C7: variants seen among roughly 807,000 people sequenced by gnomAD.
C7 encodes the protein complement C7, also known as complement component C7.
In C7, 83 loss-of-function variants were observed where a neutral mutation model predicts 104.8. That is an observed-to-expected ratio of 0.79 (90% CI 0.66 to 0.95). The LOEUF (loss-of-function observed/expected upper bound fraction) is 0.95, where lower values mean the gene tolerates loss of function less well. C7 is among the 40% of genes least tolerant of loss of function. The pLI is 0.00. For missense variants in C7, 1,070 were observed against 1,011.2 expected, an observed-to-expected ratio of 1.06 and a Z score of -0.79; for synonymous variants, 415 against 360.6, an observed-to-expected ratio of 1.15 and a Z score of -1.71.
chr5:40,952,809 T>C (rs1017625941), intron 9 of C7, among the ~76,000 whole-genome samples: 8 of 152,160 alleles, frequency 5.3e-5, no homozygotes, highest in Non-Finnish European at 1.0e-4. Context: ...TGAAATACTA[T>C]GCAGCCATAA....
At position 40,918,925 on chromosome 5, in the gene C7, G is replaced by T. The variant is rs184646062; in HGVS notation, c.6+9309G>T. Among the ~76,000 whole-genome samples, 24 of 146,474 alleles carry T rather than the reference G, an allele frequency of 1.6e-4. No homozygotes were observed. The East Asian group carries it at 4.7e-3, about 29-fold the overall frequency. On this transcript the variant is annotated intron_variant, in intron 1 of 17. Transcript: ENST00000313164. The stretch of plus-strand genomic sequence containing the variant: ...TAAGAAAACATTGGATTTGAAAATC[G>T]CTTTAGACCTAATGAATCTAACAGA...
At chr5:40,973,937 T>C (rs1740753805) in intron 15 of C7, among the ~76,000 whole-genome samples, 2 of 152,172 alleles carry the variant, frequency 1.3e-5, no homozygotes, top group African/African-American at 4.8e-5. Flanking sequence ...TCTGAAGATG[T>C]GAATAACAGT....
In C7 at chr5:40,959,480, C is replaced by T; in HGVS notation, c.1521C>T (p.Ser507=). Residue 507 remains serine, a synonymous_variant, in exon 12 of 18, where the codon TCC becomes TCT. Transcript: ENST00000313164. The part of the protein sequence containing the change: ...GGVDGGWSCW[S]SWSPCVQGKK... ...TTGATGGAGGTTGGAGTTGCTGGTC[C>T]TCTTGGAGCCCCTGTGTCCAAGGGA... is the stretch of plus-strand genomic sequence containing the variant. 1 of 1,611,310 alleles carries T rather than the reference C, an allele frequency of 6.2e-7. No homozygotes were observed. The highest frequency in any genetic ancestry group is 8.5e-7 in the Non-Finnish European group (1 of 1,179,284).
rs1020818890 is a variant in C7 at position 40,981,971 on chromosome 5, A to T, written c.*398A>T. On this transcript the variant is annotated 3_prime_UTR_variant, in exon 18 of 18. Coordinates refer to ENST00000313164, the MANE Select transcript of C7 (RefSeq NM_000587.4). The stretch of plus-strand genomic sequence containing the variant: ...GGGCCAGAACACACTCTACAAAATG[A>T]CTAGGATAACAGAAAGAACGTGATC... 1 of 156,248 alleles carries T rather than the reference A, an allele frequency of 6.4e-6. No homozygotes were observed. The highest frequency in any genetic ancestry group is 2.4e-5 in the African/African-American group (1 of 41,588). 9.7% of individuals were successfully genotyped at this position (156,248 alleles called of 1,614,324 possible).
intron 16 of C7, 45 bp downstream of exon 16, chr5:40,976,885 A>T: frequency 7.2e-7 from 1 of 1,383,714 alleles, no homozygotes; most frequent in Non-Finnish European, 1.0e-6. Context: ...TTTATTAATG[A>T]TAAGGGATAA....
intron 13 of C7, 123 bp from the exon 14 acceptor site, chr5:40,964,618 C>T: frequency 1.2e-6 from 1 of 805,058 alleles, no homozygotes; most frequent in Non-Finnish European, 2.0e-6. Context: ...AGACACTTTT[C>T]TGAATCAATT....
rs1484418080 is a variant in C7 at position 40,982,980 on chromosome 5, C to T, written c.*1407C>T. On this transcript the variant is annotated 3_prime_UTR_variant, in exon 18 of 18. Transcript: ENST00000313164. Reference sequence around the variant, plus strand: ...GATGTTTCATTTTAGAGAAGATTTTCATGATGAATGGTTAATGTGTTCTTG... The same window carrying T: ...GATGTTTCATTTTAGAGAAGATTTTTATGATGAATGGTTAATGTGTTCTTG... 2 of 152,304 alleles carry T rather than the reference C, an allele frequency of 1.3e-5. No individual in the cohort carries two copies. Among genetic ancestry groups the T allele is most frequent in the African/African-American group, 2.4e-5 (1 of 41,448 alleles). 9.4% of individuals were successfully genotyped at this position (152,304 alleles called of 1,614,324 possible).
intron 5 of C7, among the ~76,000 whole-genome samples, chr5:40,936,696 T>C (rs1277517259): frequency 6.6e-6 from 1 of 152,132 alleles, no homozygotes; most frequent in East Asian, 1.9e-4. Flanking sequence ...CCCCTTGTCC[T>C]GGGATGGTCC....
chr5:40,916,562 T>A (rs1238527025), intron 1 of C7, among the ~76,000 whole-genome samples: 1 of 152,178 alleles, frequency 6.6e-6, no homozygotes, highest in Admixed American at 6.5e-5. Context: ...TAAAAGATGA[T>A]GGGACCTTAA....
intron 2 of C7, among the ~76,000 whole-genome samples, chr5:40,930,411 G>A (rs1279859110): frequency 6.6e-6 from 1 of 151,400 alleles, no homozygotes; most frequent in African/African-American, 2.4e-5. Flanking sequence ...TCACCATGAT[G>A]GCCCTGTTGG....
At position 40,983,646 on chromosome 5, in the gene C7, G is replaced by A. The variant is rs1741001174; in HGVS notation, c.*2073G>A. Among the ~76,000 whole-genome samples, 1 of 152,084 alleles carries A rather than the reference G, an allele frequency of 6.6e-6. No individual in the cohort carries two copies. Among genetic ancestry groups the A allele is most frequent in the South Asian group, 2.1e-4 (1 of 4,816 alleles). On this transcript the variant is annotated 3_prime_UTR_variant, in exon 18 of 18. Coordinates refer to ENST00000313164, the MANE Select transcript of C7 (RefSeq NM_000587.4). Reference sequence around the variant, plus strand: ...TTCACAATTGCCTGTGGAGAATTAGGATTGTCGCAGCAGGTCAGCAAGGAG... The same window carrying A: ...TTCACAATTGCCTGTGGAGAATTAGAATTGTCGCAGCAGGTCAGCAAGGAG...
chr5:40,959,185 G>A (rs546455261), intron 11 of C7, among the ~76,000 whole-genome samples: 7 of 152,302 alleles, frequency 4.6e-5, no homozygotes, highest in Middle Eastern at 3.4e-3. Flanking sequence ...TACAACGTAC[G>A]TAAAAGTGCT....
intron 9 of C7, among the ~76,000 whole-genome samples, chr5:40,953,477 C>T (rs1740220881): frequency 6.6e-6 from 1 of 151,932 alleles, no homozygotes; most frequent in Non-Finnish European, 1.5e-5. Flanking sequence ...CCTGTCTCTA[C>T]TATAAATACA....
intron 1 of C7, among the ~76,000 whole-genome samples, chr5:40,910,302 G>A (rs1739179966): frequency 6.6e-6 from 1 of 152,144 alleles, no homozygotes; most frequent in African/African-American, 2.4e-5. Flanking sequence ...AAAATAAGTT[G>A]AGATTGCTAT....
At position 40,983,352 on chromosome 5, in the gene C7, C is replaced by A. The variant is rs112295954; in HGVS notation, c.*1779C>A. On this transcript the variant is annotated 3_prime_UTR_variant, in exon 18 of 18. Coordinates refer to ENST00000313164, the MANE Select transcript of C7 (RefSeq NM_000587.4). Reference sequence around the variant, plus strand: ...TCCTACCGCTTATGTATCACCATGCCCCCTTCCTAAATAATACAGAGGATA... The same window carrying A: ...TCCTACCGCTTATGTATCACCATGCACCCTTCCTAAATAATACAGAGGATA... Among the ~76,000 whole-genome samples, 227 of 152,238 alleles carry A rather than the reference C, an allele frequency of 1.5e-3. 1 individual carries two copies. The highest frequency in any genetic ancestry group is 5.2e-3 in the African/African-American group (217 of 41,538).
intron 9 of C7, among the ~76,000 whole-genome samples, chr5:40,952,671 T>G (rs1309109297): frequency 6.6e-6 from 1 of 150,896 alleles, no homozygotes; most frequent in Non-Finnish European, 1.5e-5. Flanking sequence ...CAGGCCCCGG[T>G]GTGTGATGTT....
chr5:40,969,977 T>G (rs1247682120), intron 14 of C7, among the ~76,000 whole-genome samples: 5 of 151,968 alleles, frequency 3.3e-5, no homozygotes, highest in Non-Finnish European at 7.3e-5. Context: ...AGATTTAATG[T>G]GAAAACAGCA....
intron 9 of C7, among the ~76,000 whole-genome samples, chr5:40,952,413 A>G (rs1561250030): frequency 6.6e-6 from 1 of 152,196 alleles, no homozygotes; most frequent in Non-Finnish European, 1.5e-5. Context: ...CAGAGAGCTC[A>G]CTGGGGTATG....
At position 40,943,285 on chromosome 5, in the gene C7, T is replaced by A. The variant is rs182108032; in HGVS notation, c.568-1913T>A. Among the ~76,000 whole-genome samples the A allele has an allele frequency of 3.0e-3, 456 of 152,228 alleles. 1 individual carries two copies. Among genetic ancestry groups the A allele is most frequent in the Non-Finnish European group, 3.9e-3 (266 of 68,010 alleles). On this transcript the variant is annotated intron_variant, in intron 6 of 17. Coordinates refer to ENST00000313164, the MANE Select transcript of C7 (RefSeq NM_000587.4). The stretch of plus-strand genomic sequence containing the variant: ...TAATGTGAAATAATAGATGTGGCAA[T>A]AATAAAAATGAGAGTTAAAAGAATA...
Sources: gnomAD v4.1 joint callset for allele counts (sites outside exome capture counted in the v4.1 genomes callset) on GRCh38, gnomAD v4.1.1 for gene constraint, MANE v1.5 for transcripts, NCBI Gene and HGNC (gene_info 2026-07-23, HGNC 2026-07-21) for gene names.